WWOX: variants seen among roughly 807,000 people sequenced by gnomAD.
WWOX encodes WW domain containing oxidoreductase.
A neutral mutation model predicts 46.2 loss-of-function variants in WWOX; 69 were observed. That is an observed-to-expected ratio of 1.49 (90% CI 1.23 to 1.82). The LOEUF (loss-of-function observed/expected upper bound fraction) is 1.82. Among genes scored for constraint, WWOX ranks in the 40% most tolerant of loss-of-function variants. The pLI, the probability that WWOX is intolerant of heterozygous loss-of-function variation, is 0.00. For missense variants in WWOX, 919 were observed against 542.6 expected (o/e 1.69, Z -6.89); for synonymous variants, 359 against 202.6 (o/e 1.77, Z -6.56).
intron 8 of WWOX, among the ~76,000 whole-genome samples, chr16:79,166,588 G>A (rs1487426227): frequency 6.6e-6 from 1 of 152,124 alleles, no homozygotes. Flanking sequence ...ACTATGTCAG[G>A]TAGACTTATT....
chr16:78,146,681 C>T (rs193140881), intron 4 of WWOX, among the ~76,000 whole-genome samples: 4 of 152,284 alleles, frequency 2.6e-5, no homozygotes, highest in African/African-American at 7.2e-5. Context: ...TGATTTTATT[C>T]AAGCTCAGAT....
intron 8 of WWOX, among the ~76,000 whole-genome samples, chr16:78,848,207 G>A (rs564101771): frequency 1.3e-5 from 2 of 152,180 alleles, no homozygotes; most frequent in East Asian, 3.8e-4. Context: ...CAATGAATTA[G>A]AGTTGACATA....
intron 5 of WWOX, among the ~76,000 whole-genome samples, chr16:78,339,396 C>G (rs1017379935): frequency 8.7e-6 from 1 of 114,804 alleles, no homozygotes; most frequent in Non-Finnish European, 2.0e-5. Context: ...TCCCCTGGAG[C>G]CTTTGTACCT....
intron 8 of WWOX, among the ~76,000 whole-genome samples, chr16:78,753,129 T>C (rs1263046018): frequency 1.3e-5 from 2 of 152,114 alleles, no homozygotes; most frequent in Non-Finnish European, 2.9e-5. Flanking sequence ...ACCCCGTCTC[T>C]ACTAATAATA....
At chr16:78,839,654 G>C (rs73577494) in intron 8 of WWOX, among the ~76,000 whole-genome samples, 17,659 of 152,164 alleles carry the variant, frequency 0.12, 1,336 homozygotes, top group African/African-American at 0.2. Context: ...CTGTTATGGA[G>C]GGTGGGGAGG....
chr16:78,379,715 C>T (rs72796062), intron 5 of WWOX, among the ~76,000 whole-genome samples: 8,107 of 152,180 alleles, frequency 0.053, 284 homozygotes, highest in East Asian at 0.12. Flanking sequence ...GATAGGAGAG[C>T]GAACTCACTG....
At position 78,345,781 on chromosome 16, in the gene WWOX, C is replaced by T. The variant is rs115536175; in HGVS notation, c.517-41079C>T. On this transcript the variant is annotated intron_variant, in intron 5 of 8. Coordinates refer to ENST00000566780, the MANE Select transcript of WWOX (RefSeq NM_016373.4). The stretch of plus-strand genomic sequence containing the variant: ...AAGCAGAGTGGGCCATTTGAATGCT[C>T]ACTTTGATATTTTTTAAAGGAAAAA... Among the ~76,000 whole-genome samples, 550 of 118,622 alleles carry T rather than the reference C, an allele frequency of 4.6e-3. 112 individuals carry two copies. The highest frequency in any genetic ancestry group is 0.014 in the African/African-American group (489 of 35,006). 77.8% of individuals were successfully genotyped at this position (118,622 alleles called of 152,430 possible).
In WWOX at chr16:78,332,286, T is replaced by A. The variant is rs544020376; in HGVS notation, c.517-54574T>A. Among the ~76,000 whole-genome samples the A allele has an allele frequency of 1.9e-3, 292 of 152,306 alleles. 1 individual carries two copies. Among genetic ancestry groups the A allele is most frequent in the African/African-American group, 6.5e-3 (271 of 41,564 alleles). On this transcript the variant is annotated intron_variant, in intron 5 of 8. Transcript: ENST00000566780. Reference sequence around the variant, plus strand: ...CTATTTTAGAATCTCTGCTTCCGCATTTCTAAAATCCTTCCCAGAGAATTA... The same window carrying A: ...CTATTTTAGAATCTCTGCTTCCGCAATTCTAAAATCCTTCCCAGAGAATTA...
intron 5 of WWOX, among the ~76,000 whole-genome samples, chr16:78,256,666 A>G (rs1214533626): frequency 6.6e-6 from 1 of 152,002 alleles, no homozygotes; most frequent in African/African-American, 2.4e-5. Context: ...ATTGGATGAG[A>G]CTGACATTTC....
intron 8 of WWOX, among the ~76,000 whole-genome samples, chr16:78,962,637 C>A (rs1030147067): frequency 6.6e-6 from 1 of 152,134 alleles, no homozygotes; most frequent in South Asian, 2.1e-4. Flanking sequence ...CTGCTTGCAT[C>A]AGAATCTAAC....
intron 8 of WWOX, among the ~76,000 whole-genome samples, chr16:79,041,660 C>T (rs1236695363): frequency 6.6e-6 from 1 of 152,098 alleles, no homozygotes; most frequent in African/African-American, 2.4e-5. Flanking sequence ...CATCCCACCT[C>T]AGAAAGACAG....
intron 8 of WWOX, among the ~76,000 whole-genome samples, chr16:78,576,406 C>G (rs937754312): frequency 6.6e-6 from 1 of 152,202 alleles, no homozygotes; most frequent in African/African-American, 2.4e-5. Flanking sequence ...TGTGTTTTCT[C>G]TTTGTTCCTT....
chr16:78,600,925 G>A (rs1165011379), intron 8 of WWOX, among the ~76,000 whole-genome samples: 1 of 152,164 alleles, frequency 6.6e-6, no homozygotes, highest in African/African-American at 2.4e-5. Flanking sequence ...TCTCTGCAGG[G>A]CATCTGTAGC....
At chr16:78,118,471 T>A (rs2032923490) in intron 4 of WWOX, among the ~76,000 whole-genome samples, 1 of 152,164 alleles carries the variant, frequency 6.6e-6, no homozygotes, top group Non-Finnish European at 1.5e-5. Context: ...CTGCCATCTC[T>A]GGGCTAACTC....
At position 78,783,383 on chromosome 16, in the gene WWOX, G is replaced by A. The variant is rs1468835482; in HGVS notation, c.1056+350631G>A. Among the ~76,000 whole-genome samples, 7 of 152,208 alleles carry A rather than the reference G, an allele frequency of 4.6e-5. 1 individual carries two copies. The highest frequency in any genetic ancestry group is 1.0e-4 in the Non-Finnish European group (7 of 68,046). On this transcript the variant is annotated intron_variant, in intron 8 of 8. Transcript: ENST00000566780. ...CTACAGGGCCAGGCCTTGAAGGGGA[G>A]GGAAATTGTTAGCTACACGACCAAG...
intron 8 of WWOX, among the ~76,000 whole-genome samples, chr16:78,448,857 G>C (rs746691959): frequency 6.6e-6 from 1 of 152,070 alleles, no homozygotes; most frequent in African/African-American, 2.4e-5. Context: ...CTGTCTTGGC[G>C]CTGGTGAGGG....
At position 79,211,869 on chromosome 16, in the gene WWOX, C is replaced by A; in HGVS notation, c.*73C>A. ...CCTCACGCAAGTGCCAGGGCTGGGC[C>A]CCTTCCAAATGTCCCTCCAACACAG... On this transcript the variant is annotated 3_prime_UTR_variant, in exon 9 of 9. Transcript: ENST00000566780. The A allele has an allele frequency of 6.3e-7, 1 of 1,595,642 alleles. No homozygotes were observed. The highest frequency in any genetic ancestry group is 8.5e-7 in the Non-Finnish European group (1 of 1,172,516).
intron 8 of WWOX, among the ~76,000 whole-genome samples, chr16:78,638,227 A>T (rs1245587042): frequency 2.6e-5 from 4 of 152,214 alleles, no homozygotes; most frequent in Non-Finnish European, 4.4e-5. Context: ...AGACAAGCCA[A>T]CGAAGGCTTG....
chr16:78,759,577 C>T (rs965928830), intron 8 of WWOX, among the ~76,000 whole-genome samples: 3 of 152,084 alleles, frequency 2.0e-5, no homozygotes, highest in African/African-American at 4.8e-5. Flanking sequence ...TTTAAACTAA[C>T]CCTCTAAAGA....
Sources: allele counts gnomAD v4.1 joint callset (sites outside exome capture counted in the v4.1 genomes callset), GRCh38; gene constraint gnomAD v4.1.1; transcripts MANE v1.5; gene names NCBI Gene and HGNC (gene_info 2026-07-23, HGNC 2026-07-21).